The following CYGB variants were observed in gnomAD, a reference collection of about 807,000 sequenced individuals.
The protein encoded by CYGB is cytoglobin.
A neutral mutation model predicts 20.7 loss-of-function variants in CYGB; 13 were observed. The ratio of observed to expected loss-of-function variants is 0.63; its 90% CI spans 0.41 to 1.00. CYGB has a LOEUF of 1.00. CYGB is among the 50% of genes least tolerant of loss of function. CYGB has a pLI of 0.00. For missense variants in CYGB, 218 were observed against 257.2 expected, an observed-to-expected ratio of 0.85 and a Z score of 1.04; for synonymous variants, 93 against 107.4, an observed-to-expected ratio of 0.87 and a Z score of 0.83.
rs148996940 is a variant in CYGB at position 76,527,860 on chromosome 17, G to A, written c.*718C>T. On this transcript the variant is annotated 3_prime_UTR_variant, in exon 4 of 4. Coordinates refer to ENST00000293230, the MANE Select transcript of CYGB (RefSeq NM_134268.5). ...TGAGTCAGTTCCTCTGAGGGAGTAG[G>A]GGGAGCCCACTCCTTTCTGCCTGGA... is the stretch of plus-strand genomic sequence containing the variant. 2.2e-3 allele frequency: 994 copies of A among 449,624 alleles called. 3 individuals are homozygous for A. Among genetic ancestry groups the A allele is most frequent in the Non-Finnish European group, 3.8e-3 (854 of 223,088 alleles). 27.9% of individuals were successfully genotyped at this position (449,624 alleles called of 1,614,324 possible).
chr17:76,536,130 C>T (rs1304859923), intron 1 of CYGB, among the ~76,000 whole-genome samples: 1 of 152,206 alleles, frequency 6.6e-6, no homozygotes, highest in African/African-American at 2.4e-5. Flanking sequence ...CTGCCACTCC[C>T]GACTGTGTTT....
In CYGB at chr17:76,528,520, T is replaced by C; in HGVS notation, c.*58A>G. 1 of 1,264,322 alleles carries C rather than the reference T, an allele frequency of 7.9e-7. No individual in the cohort carries two copies. The highest frequency in any genetic ancestry group is 1.0e-6 in the Non-Finnish European group (1 of 987,342). The allele number at this position is 1,264,322 out of a possible 1,614,324, so 78.3% of individuals were successfully genotyped here. A position where few individuals can be genotyped will look rare whatever the true frequency, so the allele number is the denominator to read the frequency against. On this transcript the variant is annotated 3_prime_UTR_variant, in exon 4 of 4. Transcript: ENST00000293230. This position sits in a 1 kb window ranked among gnomAD's most constrained non-coding sequence, Gnocchi z 5.8. ...CAGAAATGGAGCGTCAAGGAGGGTCTTCAGAACTCGGCCTTCTGCTCGAGG... is the reference window on the plus strand; with the variant it reads ...CAGAAATGGAGCGTCAAGGAGGGTCCTCAGAACTCGGCCTTCTGCTCGAGG...
chr17:76,539,341 T>C (rs1567910398), upstream of CYGB, among the ~76,000 whole-genome samples: 3 of 152,240 alleles, frequency 2.0e-5, no homozygotes, highest in Non-Finnish European at 4.4e-5. Flanking sequence ...AAATGTAATA[T>C]AGTCGTATGG....
chr17:76,542,717 G>A (rs1234378959), intron 1 of CYGB: 4 of 846,404 alleles, frequency 4.7e-6, no homozygotes, highest in Non-Finnish European at 8.0e-6. Flanking sequence ...GGCCATGTGG[G>A]AGGATAGCAG....
intron 1 of CYGB, among the ~76,000 whole-genome samples, chr17:76,548,063 CAG>C (rs1285993973): frequency 1.3e-5 from 2 of 151,978 alleles, no homozygotes; most frequent in Non-Finnish European, 2.9e-5. Flanking sequence ...CACATACACA[CAG>C]ACATACATGT....
At chr17:76,540,654 TGCCTGTGCGC>T (rs1230473854), upstream of CYGB, 6 of 1,403,052 alleles carry the variant, frequency 4.3e-6, no homozygotes, top group South Asian at 3.5e-5. This position sits in a 1 kb window ranked among gnomAD's most constrained non-coding sequence, Gnocchi z 5.0. Flanking sequence ...TGCACGTGTG[TGCCTGTGCGC>T]GCCTGTGCGT....
In CYGB at chr17:76,528,701, GCTC is replaced by G; in HGVS notation, c.540-93_540-91del. 1 of 1,175,988 alleles carries G rather than the reference GCTC, an allele frequency of 8.5e-7. No individual in the cohort carries two copies. Among genetic ancestry groups the G allele is most frequent in the Non-Finnish European group, 1.1e-6 (1 of 922,404 alleles). 72.8% of individuals were successfully genotyped at this position (1,175,988 alleles called of 1,614,324 possible). On this transcript the variant is annotated intron_variant, in intron 3 of 3. Coordinates refer to ENST00000293230, the MANE Select transcript of CYGB (RefSeq NM_134268.5). The surrounding 1 kb of genome is among the most constrained non-coding windows in gnomAD (Gnocchi z 5.8). ...AGGGGGAGGACCTGGGGCTGGCGAG[GCTC>G]ACTTCCTGCCAAGAGATCCGGCACA...
chr17:76,540,465 C>T (rs753462939), upstream of CYGB: 5 of 1,605,062 alleles, frequency 3.1e-6, no homozygotes, highest in African/African-American at 1.3e-5. The surrounding 1 kb of genome is among the most constrained non-coding windows in gnomAD (Gnocchi z 5.0). Context: ...AGGGGCTGGG[C>T]ACAGCCATAG....
chr17:76,529,266 A>T, intron 3 of CYGB: 3 of 985,326 alleles, frequency 3.0e-6, no homozygotes, highest in Non-Finnish European at 3.6e-6. Context: ...GGTGGGCTAG[A>T]GGGTGTAAAG....
At chr17:76,542,256 G>C (rs749758024), upstream of CYGB, among the ~76,000 whole-genome samples, 2 of 152,288 alleles carry the variant, frequency 1.3e-5, no homozygotes, top group East Asian at 3.9e-4. Context: ...CTGGCCTGGC[G>C]TGACTTAGCC....
At chr17:76,550,346 C>T (rs527714365) in intron 1 of CYGB, 2 of 151,340 alleles carry the variant, frequency 1.3e-5, no homozygotes, top group South Asian at 4.2e-4. Flanking sequence ...ATTGCAACCT[C>T]GCCTCCCAGG....
chr17:76,541,650 C>T (rs536541070), upstream of CYGB, among the ~76,000 whole-genome samples: 1 of 152,324 alleles, frequency 6.6e-6, no homozygotes, highest in African/African-American at 2.4e-5. Context: ...CTCGATAGGC[C>T]AGCTGGCATC....
intron 1 of CYGB, among the ~76,000 whole-genome samples, chr17:76,534,771 G>C (rs1165525984): frequency 2.0e-5 from 3 of 152,206 alleles, no homozygotes; most frequent in Admixed American, 2.0e-4. Context: ...CTGGTAACCA[G>C]GTGTCTCCTG....
At chr17:76,537,955 GC>G (rs1484241800), upstream of CYGB, 1 of 151,200 alleles carries the variant, frequency 6.6e-6, no homozygotes, top group Non-Finnish European at 1.5e-5. Context: ...GGTAGGTGTG[GC>G]CGGGGCGCTG....
chr17:76,542,768 G>A, intron 1 of CYGB: 6 of 683,542 alleles, frequency 8.8e-6, no homozygotes, highest in Non-Finnish European at 1.6e-5. Context: ...TTCAAAGTAG[G>A]CGGATGGACT....
intron 1 of CYGB, among the ~76,000 whole-genome samples, chr17:76,532,530 C>CTTTT (rs111936272): frequency 4.8e-5 from 6 of 125,724 alleles, no homozygotes; most frequent in Non-Finnish European, 6.7e-5. Context: ...ATGACAATGG[C>CTTTT]TTTTTTTTTT....
rs1399147479 is a variant in CYGB at position 76,531,885 on chromosome 17, G to C, written c.144-194C>G. On this transcript the variant is annotated intron_variant, in intron 1 of 3. Coordinates refer to ENST00000293230, the MANE Select transcript of CYGB (RefSeq NM_134268.5). This position sits in a 1 kb window ranked among gnomAD's most constrained non-coding sequence, Gnocchi z 7.4. ...GGCCAAGCCGGCTCACCCCTACCAA[G>C]TCTGGCCATGTCTATCTGCCAGGCT... 3 of 530,656 alleles carry C rather than the reference G, an allele frequency of 5.7e-6. No individual in the cohort carries two copies. The highest frequency in any genetic ancestry group is 2.6e-5 in the South Asian group (1 of 39,204). 32.9% of individuals were successfully genotyped at this position (530,656 alleles called of 1,614,324 possible). A position where few individuals can be genotyped will look rare whatever the true frequency, so the allele number is the denominator to read the frequency against.
chr17:76,539,949 G>T (rs2074965785), upstream of CYGB: 1 of 618,842 alleles, frequency 1.6e-6, no homozygotes, highest in African/African-American at 1.8e-5. Context: ...GAGAACCTGG[G>T]CCCAGTGAGC....
At chr17:76,532,512 T>C (rs1474875405) in intron 1 of CYGB, among the ~76,000 whole-genome samples, 1 of 150,218 alleles carries the variant, frequency 6.7e-6, no homozygotes, top group Non-Finnish European at 1.5e-5. Flanking sequence ...GGCCCTGCAG[T>C]GTGAAAAATG....
Sources: allele counts gnomAD v4.1 joint callset (sites outside exome capture counted in the v4.1 genomes callset), GRCh38; gene constraint gnomAD v4.1.1; non-coding constraint Gnocchi (gnomAD v3.1); transcripts MANE v1.5; gene names NCBI Gene and HGNC (gene_info 2026-07-23, HGNC 2026-07-21).